Variants in CNTN3 observed in about 807,000 individuals in gnomAD.
CNTN3 encodes the protein contactin-3.
CNTN3 carries 60 observed loss-of-function variants against 119.1 expected under a neutral mutation model. That is an observed-to-expected ratio of 0.50 (90% CI 0.41 to 0.62). The LOEUF (loss-of-function observed/expected upper bound fraction) is 0.62, where lower values mean the gene tolerates loss of function less well. CNTN3 is among the 20% of genes least tolerant of loss of function. The pLI is 0.00. For missense variants in CNTN3, 1,101 were observed against 1,242.4 expected (o/e 0.89, Z 1.71); for synonymous variants, 450 against 438.7 (o/e 1.03, Z -0.32).
chr3:74,511,883 T>C (rs1315437344), intron 2 of CNTN3, among the ~76,000 whole-genome samples: 11 of 152,112 alleles, frequency 7.2e-5, no homozygotes, highest in Non-Finnish European at 1.5e-4. Context: ...GCGCATGTTA[T>C]GAAAAATTCT....
intron 2 of CNTN3, among the ~76,000 whole-genome samples, chr3:74,518,404 T>C (rs1703487292): frequency 6.6e-6 from 1 of 152,088 alleles, no homozygotes; most frequent in South Asian, 2.1e-4. Flanking sequence ...TCAAGATTTA[T>C]ATGCAGGGAT....
chr3:74,580,288 C>A (rs551779674), intron 1 of CNTN3, among the ~76,000 whole-genome samples: 216 of 152,252 alleles, frequency 1.4e-3, no homozygotes, highest in African/African-American at 5.2e-3. Flanking sequence ...AGGCCAGAGA[C>A]CTTAGTCGTG....
At chr3:74,460,907 C>A (rs1316471342) in intron 4 of CNTN3, among the ~76,000 whole-genome samples, 1 of 148,488 alleles carries the variant, frequency 6.7e-6, no homozygotes, top group Non-Finnish European at 1.5e-5. Flanking sequence ...ATATGGATAT[C>A]TCTGCCTTAT....
chr3:74,279,398 T>C (rs1038825629), intron 20 of CNTN3, among the ~76,000 whole-genome samples: 1 of 152,144 alleles, frequency 6.6e-6, no homozygotes, highest in Non-Finnish European at 1.5e-5. Context: ...GAAACTGTGA[T>C]ATATATATAC....
intron 1 of CNTN3, among the ~76,000 whole-genome samples, chr3:74,561,470 G>A (rs78359837): frequency 0.037 from 5,661 of 152,086 alleles, 140 homozygotes; most frequent in South Asian, 0.069. Flanking sequence ...CTTCATATGC[G>A]TCAAGTTTAT....
At chr3:74,314,562 G>A (rs934439678) in intron 13 of CNTN3, among the ~76,000 whole-genome samples, 1 of 152,068 alleles carries the variant, frequency 6.6e-6, no homozygotes, top group East Asian at 1.9e-4. Context: ...GGCTAATGAG[G>A]GGCATTACAT....
At chr3:74,318,435 T>C (rs1056233680) in intron 13 of CNTN3, among the ~76,000 whole-genome samples, 1 of 152,180 alleles carries the variant, frequency 6.6e-6, no homozygotes, top group Non-Finnish European at 1.5e-5. Context: ...GTTTCCAGTT[T>C]TTCTGCTCTG....
In CNTN3 at chr3:74,267,360, C is replaced by T. The variant is rs200194453; in HGVS notation, c.2723G>A (p.Gly908Glu). 1 of 1,612,752 alleles carries T rather than the reference C, an allele frequency of 6.2e-7. No homozygotes were observed. The highest frequency in any genetic ancestry group is 8.5e-7 in the Non-Finnish European group (1 of 1,178,994). ...TKKTPPSQPP[G>E]NVVWNATDTK... Reference sequence around the variant, plus strand: ...GTCTGTGGCATTCCAAACAACATTTCCTGGTGGCTGACTGGGAGCTTGAAA... The same window carrying T: ...GTCTGTGGCATTCCAAACAACATTTTCTGGTGGCTGACTGGGAGCTTGAAA... Residue 908 changes from glycine (G) to glutamate (E), a missense_variant, in exon 21 of 23, where the codon GGA becomes GAA. By Grantham distance (98) the Gly-to-Glu change is moderately conservative (BLOSUM62 -2). Transcript: ENST00000263665.
chr3:74,527,677 T>C (rs1398535217), intron 1 of CNTN3, among the ~76,000 whole-genome samples: 2 of 151,932 alleles, frequency 1.3e-5, no homozygotes, highest in Non-Finnish European at 2.9e-5. Context: ...ACTTTTTAAG[T>C]ATACTTTACA....
chr3:74,565,573 C>T (rs1200793135), intron 1 of CNTN3, among the ~76,000 whole-genome samples: 4 of 152,064 alleles, frequency 2.6e-5, no homozygotes, highest in South Asian at 2.1e-4. Context: ...GGACACATTT[C>T]GGGGACCATT....
intron 19 of CNTN3, among the ~76,000 whole-genome samples, chr3:74,286,132 A>G (rs1702112629): frequency 6.6e-6 from 1 of 152,076 alleles, no homozygotes; most frequent in African/African-American, 2.4e-5. Context: ...GTCTAGTCTG[A>G]AGGAACCAAA....
intron 4 of CNTN3, among the ~76,000 whole-genome samples, chr3:74,475,154 T>C (rs1702632684): frequency 6.6e-6 from 1 of 152,056 alleles, no homozygotes; most frequent in Non-Finnish European, 1.5e-5. Context: ...ATACTCCTTA[T>C]TGCTTAAACA....
intron 20 of CNTN3, among the ~76,000 whole-genome samples, chr3:74,272,257 T>C (rs1559674041): frequency 6.6e-6 from 1 of 152,224 alleles, no homozygotes; most frequent in South Asian, 2.1e-4. Flanking sequence ...TTCAAAGCTG[T>C]CCTGAGCCAC....
chr3:74,507,529 T>C (rs575048928), intron 2 of CNTN3, among the ~76,000 whole-genome samples: 1 of 151,890 alleles, frequency 6.6e-6, no homozygotes, highest in East Asian at 1.9e-4. Flanking sequence ...GCCCCCACCA[T>C]AGTAAGCAGA....
intron 2 of CNTN3, among the ~76,000 whole-genome samples, chr3:74,514,905 C>A (rs900594399): frequency 1.3e-5 from 2 of 152,056 alleles, no homozygotes; most frequent in Admixed American, 6.6e-5. Flanking sequence ...AAAACAAGAG[C>A]AGTGAGCTCT....
chr3:74,461,844 T>G (rs1016358688), intron 4 of CNTN3, among the ~76,000 whole-genome samples: 1 of 152,122 alleles, frequency 6.6e-6, no homozygotes, highest in African/African-American at 2.4e-5. Context: ...CAAGACCACT[T>G]ATGTTTCTCA....
At chr3:74,454,833 G>T (rs925956157) in intron 4 of CNTN3, among the ~76,000 whole-genome samples, 1 of 151,970 alleles carries the variant, frequency 6.6e-6, no homozygotes, top group African/African-American at 2.4e-5. Context: ...TTGAATATTG[G>T]CCCCCACTCT....
Position 74,334,719 on chromosome 3 carries a change from A to G in CNTN3, c.1668+16T>C. ...ACATGCAATATAAAAAGTATGAGGA[A>G]AGTGCCACAACTTACCCCACCAACT... On this transcript the variant is annotated intron_variant, in intron 13 of 22. Coordinates refer to ENST00000263665, the MANE Select transcript of CNTN3 (RefSeq NM_020872.3). 1 of 1,608,468 alleles carries G rather than the reference A, an allele frequency of 6.2e-7. No homozygotes were observed. Among genetic ancestry groups the G allele is most frequent in the Non-Finnish European group, 8.5e-7 (1 of 1,176,338 alleles).
intron 4 of CNTN3, among the ~76,000 whole-genome samples, chr3:74,484,671 A>G (rs1250636395): frequency 6.6e-6 from 1 of 152,134 alleles, no homozygotes; most frequent in Admixed American, 6.6e-5. Context: ...ATAATCCTCC[A>G]ATATACAACC....
Sources: gnomAD v4.1 joint callset for allele counts (sites outside exome capture counted in the v4.1 genomes callset) on GRCh38, gnomAD v4.1.1 for gene constraint, MANE v1.5 for transcripts, NCBI Gene and HGNC (gene_info 2026-07-23, HGNC 2026-07-21) for gene names.